The following MAP2K5 variants were observed in gnomAD, a reference collection of about 807,000 sequenced individuals.
MAP2K5 encodes dual specificity mitogen-activated protein kinase kinase 5.
In MAP2K5, 49 loss-of-function variants were observed where a neutral mutation model predicts 83.1. That is an observed-to-expected ratio of 0.59 (90% confidence interval 0.47 to 0.75). MAP2K5 has a LOEUF of 0.75. MAP2K5 is among the 30% of genes least tolerant of loss of function. The pLI is 0.00. For missense variants in MAP2K5, 457 were observed against 557.5 expected, an observed-to-expected ratio of 0.82 and a Z score of 1.82; for synonymous variants, 202 against 191.8, an observed-to-expected ratio of 1.05 and a Z score of -0.44.
At chr15:67,624,244 C>T (rs1357694984) in intron 8 of MAP2K5, among the ~76,000 whole-genome samples, 5 of 145,440 alleles carry the variant, frequency 3.4e-5, no homozygotes, top group Non-Finnish European at 7.4e-5. Context: ...GAGGCTGAGG[C>T]AGGAGAATGG....
intron 8 of MAP2K5, among the ~76,000 whole-genome samples, chr15:67,617,174 T>A (rs995707777): frequency 6.6e-6 from 1 of 152,190 alleles, no homozygotes; most frequent in Non-Finnish European, 1.5e-5. Context: ...AAATTGACAT[T>A]TATGACATAG....
chr15:67,680,481 T>C (rs957941060), intron 13 of MAP2K5, among the ~76,000 whole-genome samples: 3 of 152,212 alleles, frequency 2.0e-5, no homozygotes, highest in Non-Finnish European at 2.9e-5. Context: ...TTTCATACTT[T>C]GTTAAAGAGT....
At chr15:67,628,843 T>C in intron 8 of MAP2K5, 1 of 748,980 alleles carries the variant, frequency 1.3e-6, no homozygotes, top group Non-Finnish European at 2.4e-6. Context: ...TCAGTGGTCA[T>C]GGTGGCTTTG....
chr15:67,658,510 TG>T, intron 11 of MAP2K5, 42 bp from the exon 12 acceptor site: 2 of 1,470,028 alleles, frequency 1.4e-6, no homozygotes, highest in Non-Finnish European at 1.9e-6. Flanking sequence ...TGCATTGTTC[TG>T]GTAATTTCAT....
At chr15:67,595,158 A>G (rs1383342605) in intron 7 of MAP2K5, among the ~76,000 whole-genome samples, 1 of 152,240 alleles carries the variant, frequency 6.6e-6, no homozygotes, top group Non-Finnish European at 1.5e-5. Context: ...ATTCTTCAAG[A>G]TAATCAAATA....
At chr15:67,761,127 G>A (rs1249615296) in intron 19 of MAP2K5, among the ~76,000 whole-genome samples, 1 of 151,830 alleles carries the variant, frequency 6.6e-6, no homozygotes, top group Admixed American at 6.6e-5. Context: ...CTGGGCCCAC[G>A]AGATCCCTGA....
intron 19 of MAP2K5, among the ~76,000 whole-genome samples, chr15:67,759,812 C>G (rs1392730563): frequency 6.6e-6 from 1 of 152,122 alleles, no homozygotes; most frequent in Non-Finnish European, 1.5e-5. Flanking sequence ...GTGATTAACT[C>G]CAACCACTCC....
chr15:67,700,860 A>G (rs2088399896), intron 15 of MAP2K5, among the ~76,000 whole-genome samples: 1 of 150,202 alleles, frequency 6.7e-6, no homozygotes. Context: ...TCAGAATCTG[A>G]CCCTTAAAAG....
chr15:67,658,997 A>AATATTAAT (rs200295613), intron 12 of MAP2K5: 3,744 of 287,716 alleles, frequency 0.013, 34 homozygotes, highest in Non-Finnish European at 0.02. Context: ...TCTATGAGAA[A>AATATTAAT]ATATTAATTT....
intron 2 of MAP2K5, among the ~76,000 whole-genome samples, chr15:67,556,075 C>G (rs535403390): frequency 6.6e-6 from 1 of 152,202 alleles, no homozygotes; most frequent in African/African-American, 2.4e-5. Context: ...CATGAGCCAC[C>G]GTACCTGGCC....
intron 2 of MAP2K5, among the ~76,000 whole-genome samples, chr15:67,551,737 T>A (rs1291797073): frequency 6.6e-6 from 1 of 152,190 alleles, no homozygotes; most frequent in Non-Finnish European, 1.5e-5. Flanking sequence ...ACCTCCTGGC[T>A]CAGGCTTGTG....
chr15:67,642,998 CT>C (rs990260027), intron 9 of MAP2K5, among the ~76,000 whole-genome samples: 1 of 152,022 alleles, frequency 6.6e-6, no homozygotes, highest in African/African-American at 2.4e-5. Context: ...GATTCTCAAC[CT>C]TACTTTGGGT....
chr15:67,687,644 A>AT (rs1243250191), intron 13 of MAP2K5, among the ~76,000 whole-genome samples: 1 of 152,162 alleles, frequency 6.6e-6, no homozygotes, highest in East Asian at 1.9e-4. Flanking sequence ...ATGAAGTGTC[A>AT]TTTTGAAATG....
At chr15:67,659,623 G>A (rs1296354651) in intron 12 of MAP2K5, among the ~76,000 whole-genome samples, 3 of 151,970 alleles carry the variant, frequency 2.0e-5, no homozygotes, top group Non-Finnish European at 1.5e-5. Context: ...AAATAAAAAT[G>A]TTTCATTTCC....
chr15:67,569,029 A>C (rs1230243150), intron 3 of MAP2K5, among the ~76,000 whole-genome samples: 11 of 151,634 alleles, frequency 7.3e-5, no homozygotes, highest in African/African-American at 2.4e-4. Context: ...ACAAAAAAAA[A>C]AAACAAAACT....
intron 3 of MAP2K5, among the ~76,000 whole-genome samples, chr15:67,578,288 T>A (rs758191583): frequency 6.6e-6 from 1 of 152,180 alleles, no homozygotes; most frequent in Non-Finnish European, 1.5e-5. Flanking sequence ...AGAGGTACCA[T>A]GCATGGCCCT....
rs763401435 is a variant in MAP2K5, at chr15:67,693,581, A to C, written c.972+13A>C. ...TGCTTATATGGCGGTAAGTAAACTT[A>C]TGCAAAAATAATGTTTAAAACCAAC... On this transcript the variant is annotated intron_variant, in intron 15 of 21. Coordinates refer to ENST00000178640, the MANE Select transcript of MAP2K5 (RefSeq NM_145160.3). The C allele has an allele frequency of 4.4e-6, 7 of 1,601,288 alleles. No homozygotes were observed. The highest frequency in any genetic ancestry group is 6.0e-6 in the Non-Finnish European group (7 of 1,169,524).
intron 11 of MAP2K5, among the ~76,000 whole-genome samples, chr15:67,648,378 TCATC>T (rs1308110984): frequency 1.3e-5 from 2 of 152,248 alleles, no homozygotes; most frequent in Non-Finnish European, 2.9e-5. Context: ...TTTTCAGTGT[TCATC>T]CATACTATTG....
rs2088859634 is a variant in MAP2K5, at chr15:67,717,661, A to C, written c.1045-10255A>C. On this transcript the variant is annotated intron_variant, in intron 16 of 21. Transcript: ENST00000178640. This position sits in a 1 kb window ranked among gnomAD's most constrained non-coding sequence, Gnocchi z 4.1. ...AGGCCCAGCCATTCTATGTAGCATC[A>C]AAAGCCTCTCATGAGGTTGCAGTTG... 6.6e-6 allele frequency among the ~76,000 whole-genome samples: 1 copy of C among 152,208 alleles called. No individual in the cohort carries two copies. Among genetic ancestry groups the C allele is most frequent in the South Asian group, 2.1e-4 (1 of 4,826 alleles).
Sources: allele counts gnomAD v4.1 joint callset (sites outside exome capture counted in the v4.1 genomes callset), GRCh38; gene constraint gnomAD v4.1.1; non-coding constraint Gnocchi (gnomAD v3.1); transcripts MANE v1.5; gene names NCBI Gene and HGNC (gene_info 2026-07-23, HGNC 2026-07-21).